The following TDRKH variants were observed in gnomAD, a reference collection of about 807,000 sequenced individuals.
The protein encoded by TDRKH is tudor and KH domain-containing protein.
Under a neutral mutation model 61.3 loss-of-function variants are expected in TDRKH, and 28 were observed. The observed-to-expected ratio is 0.46, with a 90% CI of 0.34 to 0.63. The LOEUF (loss-of-function observed/expected upper bound fraction) is 0.63. Among genes scored for constraint, TDRKH ranks in the 20% least tolerant of loss-of-function variants. The probability of loss-of-function intolerance (pLI) is 0.01; values close to 1 mark genes in which losing one functional copy is unlikely to be tolerated. For missense variants in TDRKH, 540 were observed against 683.4 expected (o/e 0.79, Z 2.34); for synonymous variants, 219 against 244.4 (o/e 0.90, Z 0.97).
rs1182224947 is a variant in TDRKH, at chr1:151,789,882, TAAAA to T, written c.-28+494_-28+497del. 3.9e-5 allele frequency among the ~76,000 whole-genome samples: 6 copies of T among 152,126 alleles called. No homozygotes were observed. The East Asian group carries it at 7.7e-4, about 20-fold the overall frequency. On this transcript the variant is annotated intron_variant, in intron 1 of 12. Transcript: ENST00000368824. ...TTTCTCTCAAAACAAGGAAAGGGTC[TAAAA>T]GTCAGTCTTTGAAATAGGGGTCTCC...
chr1:151,769,059 CTTCT>C (rs1171615612), downstream of TDRKH, among the ~76,000 whole-genome samples: 2 of 151,882 alleles, frequency 1.3e-5, no homozygotes, highest in East Asian at 1.9e-4. Context: ...CCTATGTCTA[CTTCT>C]TTCTACACAG....
At chr1:151,771,775 C>T (rs190374997), downstream of TDRKH, 4 of 394,304 alleles carry the variant, frequency 1.0e-5, no homozygotes, top group East Asian at 1.4e-4. Context: ...GGGCTGTAAA[C>T]AGGTAAGACT....
chr1:151,782,937 A>G lies in TDRKH; in HGVS notation c.86T>C (p.Val29Ala), dbSNP rs1649974543. 2 of 1,613,472 alleles carry G rather than the reference A, an allele frequency of 1.2e-6. No individual in the cohort carries two copies. The highest frequency in any genetic ancestry group is 1.7e-6 in the Non-Finnish European group (2 of 1,179,768). ...ATACCTGCGGTATAGGATATAGGCA[A>G]CTGTTGCACTGGCTGGGATCCCAAG... ...LGLGIPASAT[V>A]AYILYRRYRE... Residue 29 changes from valine to alanine, a missense_variant, in exon 2 of 13, where the codon GTT (valine) becomes GCT (alanine). Coordinates refer to ENST00000368824, the MANE Select transcript of TDRKH (RefSeq NM_001083965.2).
intron 6 of TDRKH, among the ~76,000 whole-genome samples, chr1:151,777,849 T>A (rs1467327759): frequency 6.6e-6 from 1 of 151,734 alleles, no homozygotes; most frequent in Non-Finnish European, 1.5e-5. Flanking sequence ...TCCCAAGTAG[T>A]TGGAACCACA....
chr1:151,774,648 G>A, intron 12 of TDRKH, 62 bp downstream of exon 12: 1 of 1,601,064 alleles, frequency 6.2e-7, no homozygotes, highest in Non-Finnish European at 8.6e-7. Context: ...CCCTACTCTG[G>A]AAAGACTGAA....
chr1:151,781,878 C>T (rs762334811), intron 2 of TDRKH: 3 of 452,328 alleles, frequency 6.6e-6, no homozygotes, highest in Admixed American at 3.2e-5. Flanking sequence ...CAAGACATGA[C>T]TACTGGAGAA....
In TDRKH at chr1:151,781,514, G is replaced by A. The variant is rs748693313; in HGVS notation, c.198C>T (p.Leu66=). ...EMRVPQEAVK[L]IIGRQGANIK... ...TATTGGCTCCTTGCCGGCCAATGAT[G>A]AGTTTCACAGCCTCCTGGGGAACCC... Residue 66 remains leucine (L), a synonymous_variant, in exon 3 of 13, where the codon CTC becomes CTT. Transcript: ENST00000368824. 4 of 1,613,290 alleles carry A rather than the reference G, an allele frequency of 2.5e-6. No homozygotes were observed. The highest frequency in any genetic ancestry group is 3.4e-6 in the Non-Finnish European group (4 of 1,179,822).
At chr1:151,779,842 C>A in intron 4 of TDRKH, 109 bp downstream of exon 4, 1 of 1,178,732 alleles carries the variant, frequency 8.5e-7, no homozygotes, top group Non-Finnish European at 1.2e-6. Flanking sequence ...CCCTTTTTTT[C>A]CCCTCACATG....
intron 3 of TDRKH, 79 bp from the exon 4 acceptor site, chr1:151,780,219 C>A: frequency 6.8e-7 from 1 of 1,467,508 alleles, no homozygotes; most frequent in Non-Finnish European, 9.3e-7. Flanking sequence ...CTAAAACAAA[C>A]CCTGGAGGTA....
chr1:151,768,128 T>A (rs753080295), downstream of TDRKH: 4 of 1,613,858 alleles, frequency 2.5e-6, no homozygotes, highest in Non-Finnish European at 3.4e-6. Context: ...GACTTTCACT[T>A]CCGCCTTACC....
At position 151,776,471 on chromosome 1, in the gene TDRKH, T is replaced by C; in HGVS notation, c.1012A>G (p.Asn338Asp). The C allele has an allele frequency of 6.2e-7, 1 of 1,614,216 alleles. No individual in the cohort carries two copies. Among genetic ancestry groups the C allele is most frequent in the South Asian group, 1.1e-5 (1 of 91,082 alleles). Reference protein sequence around the residue: ...SRSLQLDKLVNEMTQHYENSV... With the variant: ...SRSLQLDKLVDEMTQHYENSV... ...TTCTCATAGTGCTGGGTCATCTCATTGACAAGCTTATCCAATTGCAGGCTG... is the reference window on the plus strand; with the variant it reads ...TTCTCATAGTGCTGGGTCATCTCATCGACAAGCTTATCCAATTGCAGGCTG... The change falls in exon 7 of 13, where the codon AAT becomes GAT. Residue 338 changes from asparagine to aspartate, a missense_variant. Transcript: ENST00000368824.
At position 151,774,271 on chromosome 1, in the gene TDRKH, C is replaced by G. The variant is rs922506310; in HGVS notation, c.*181G>C. On this transcript the variant is annotated 3_prime_UTR_variant, in exon 13 of 13. Transcript: ENST00000368824. ...CACAAAAAGCTTGAAAGTGCTCAAT[C>G]TGAGAGCAAGTTAAGCTGCAGGAAA... The G allele has an allele frequency of 4.8e-6, 3 of 628,190 alleles. No homozygotes were observed. The highest frequency in any genetic ancestry group is 1.8e-5 in the African/African-American group (1 of 54,130). 38.9% of individuals were successfully genotyped at this position (628,190 alleles called of 1,614,324 possible).
chr1:151,776,633 G>T, intron 6 of TDRKH, 34 bp from the exon 7 acceptor site: 2 of 1,606,712 alleles, frequency 1.2e-6, no homozygotes, highest in South Asian at 2.2e-5. Context: ...GGCCACATCA[G>T]ACCCATCTCT....
chr1:151,782,489 C>T (rs961779784), intron 2 of TDRKH, among the ~76,000 whole-genome samples: 3 of 151,722 alleles, frequency 2.0e-5, no homozygotes, highest in African/African-American at 7.3e-5. Flanking sequence ...AAAGATTCCT[C>T]ACAGAAAGTC....
In TDRKH at chr1:151,774,336, G is replaced by T. The variant is rs145705926; in HGVS notation, c.*116C>A. 5.8e-5 allele frequency: 59 copies of T among 1,018,170 alleles called. 1 individual carries two copies. In the East Asian group the frequency reaches 1.4e-3, roughly 25 times the overall value. The allele number at this position is 1,018,170 out of a possible 1,614,324, so 63.1% of individuals were successfully genotyped here. On this transcript the variant is annotated 3_prime_UTR_variant, in exon 13 of 13. Transcript: ENST00000368824. ...GTATATTAAGACAGGGCATGGGAAAGAGGGAATCAAAGCAAGTGCCCCACT... is the reference window on the plus strand; with the variant it reads ...GTATATTAAGACAGGGCATGGGAAATAGGGAATCAAAGCAAGTGCCCCACT...
chr1:151,787,808 C>CAAAAAAAA (rs71093211), intron 1 of TDRKH, among the ~76,000 whole-genome samples: 4 of 50,580 alleles, frequency 7.9e-5, no homozygotes, highest in East Asian at 6.6e-4. Flanking sequence ...TCTGTTTCTA[C>CAAAAAAAA]AAAAAAAAAA....
downstream of TDRKH, chr1:151,767,119 C>T (rs528498217): frequency 6.2e-7 from 1 of 1,609,328 alleles, no homozygotes; most frequent in South Asian, 1.1e-5. Context: ...ATCTTCCCAC[C>T]TCAGATTCCA....
chr1:151,784,856 A>G (rs368639718), intron 1 of TDRKH, among the ~76,000 whole-genome samples: 4 of 151,958 alleles, frequency 2.6e-5, no homozygotes, highest in South Asian at 4.2e-4. Context: ...GATGTCTAAT[A>G]GACATCTCAA....
chr1:151,768,007 T>G, downstream of TDRKH: 1 of 1,604,304 alleles, frequency 6.2e-7, no homozygotes, highest in African/African-American at 1.3e-5. Context: ...CACCCCCATC[T>G]GCCTGAGGTC....
Sources: allele counts gnomAD v4.1 joint callset (sites outside exome capture counted in the v4.1 genomes callset), GRCh38; gene constraint gnomAD v4.1.1; transcripts MANE v1.5; gene names NCBI Gene and HGNC (gene_info 2026-07-23, HGNC 2026-07-21).